Variants in PKMYT1 observed in about 807,000 individuals in gnomAD.
PKMYT1 encodes protein kinase, membrane associated tyrosine/threonine 1.
In PKMYT1, 35 loss-of-function variants were observed where a neutral mutation model predicts 49.7. That is an observed-to-expected ratio of 0.70 (90% CI 0.54 to 0.93). PKMYT1 has a LOEUF of 0.93. PKMYT1 is among the 40% of genes least tolerant of loss of function. The pLI is 0.00. For missense variants in PKMYT1, 677 were observed against 673.1 expected (o/e 1.01, Z -0.06); for synonymous variants, 331 against 287.6 (o/e 1.15, Z -1.53).
chr16:2,975,567 G>C lies in PKMYT1; in HGVS notation c.624C>G (p.Ala208=). ...TGTCCCGCAGGTAGCCCCAGACCTG[G>C]GCCTCAGGCAGGCTGGCACCCCAGG... ...CEAWGASLPE[A]QVWGYLRDTL... The change falls in exon 4 of 9, where the codon GCC becomes GCG. Residue 208 remains alanine, a synonymous_variant. Coordinates refer to ENST00000262300, the MANE Select transcript of PKMYT1 (RefSeq NM_004203.5). 1 of 1,611,820 alleles carries C rather than the reference G, an allele frequency of 6.2e-7. No homozygotes were observed. The highest frequency in any genetic ancestry group is 8.5e-7 in the Non-Finnish European group (1 of 1,179,804).
At chr16:2,978,833 G>A (rs935959519) in intron 2 of PKMYT1, among the ~76,000 whole-genome samples, 1 of 150,290 alleles carries the variant, frequency 6.7e-6, no homozygotes, top group Non-Finnish European at 1.5e-5. Context: ...TTGAGACAGG[G>A]TCTCACTCTG....
At chr16:2,973,261 G>A (rs201488234) in intron 7 of PKMYT1, 46 bp from the exon 8 acceptor site, 1 of 1,482,852 alleles carries the variant, frequency 6.7e-7, no homozygotes, top group Non-Finnish European at 9.0e-7. Flanking sequence ...GGGCTAGGGA[G>A]TGCCGGATGA....
intron 2 of PKMYT1, among the ~76,000 whole-genome samples, chr16:2,977,801 C>T (rs1050127442): frequency 7.9e-5 from 12 of 152,328 alleles, no homozygotes; most frequent in African/African-American, 2.6e-4. Context: ...CCCAGCTCCC[C>T]GTCAAGGGTT....
In PKMYT1 at chr16:2,973,069, G is replaced by T. The variant is rs2072046680; in HGVS notation, c.1389-5C>A. 1 of 1,596,436 alleles carries T rather than the reference G, an allele frequency of 6.3e-7. No individual in the cohort carries two copies. On this transcript the variant is annotated splice_polypyrimidine_tract_variant and splice_region_variant and intron_variant, in intron 8 of 8. Coordinates refer to ENST00000262300, the MANE Select transcript of PKMYT1 (RefSeq NM_004203.5). ...TCACTTAGGTCCAGGGCATCCCTGGGAGGAGAGAGTAGTGACACTCAGGAT... is the reference window on the plus strand; with the variant it reads ...TCACTTAGGTCCAGGGCATCCCTGGTAGGAGAGAGTAGTGACACTCAGGAT...
At chr16:2,976,034 C>T (rs964168927) in intron 3 of PKMYT1, 18 of 560,090 alleles carry the variant, frequency 3.2e-5, no homozygotes, top group African/African-American at 7.5e-5. Context: ...GAGCCAGGGC[C>T]GACCTGCACT....
At chr16:2,979,555 A>G in intron 2 of PKMYT1, 93 bp downstream of exon 2, 1 of 1,032,658 alleles carries the variant, frequency 9.7e-7, no homozygotes, top group Middle Eastern at 2.0e-4. Flanking sequence ...ACTGGTCACA[A>G]GCACAGCCTC....
chr16:2,979,673 A>G lies in PKMYT1; in HGVS notation c.-16T>C, dbSNP rs1205263526. 6.2e-7 allele frequency: 1 copy of G among 1,613,892 alleles called. No homozygotes were observed. ...GTTCTAGCATGACTGGCCTGGCCCA[A>G]CAGCCTCAGTGGTGGGACGGGGGAG... On this transcript the variant is annotated 5_prime_UTR_variant, in exon 2 of 9. Coordinates refer to ENST00000262300, the MANE Select transcript of PKMYT1 (RefSeq NM_004203.5).
intron 2 of PKMYT1, chr16:2,977,383 A>ATCCGGCC: frequency 1.0e-6 from 1 of 995,122 alleles, no homozygotes; most frequent in Non-Finnish European, 1.2e-6. Flanking sequence ...ATCCTAAACT[A>ATCCGGCC]CACAACCTCT....
At chr16:2,977,596 C>A in intron 2 of PKMYT1, 1 of 646,724 alleles carries the variant, frequency 1.5e-6, no homozygotes, top group Non-Finnish European at 1.9e-6. Context: ...AAAGCAAGCA[C>A]TGAAAGCCTC....
At position 2,975,745 on chromosome 16, in the gene PKMYT1, T is replaced by C. The variant is rs769823811; in HGVS notation, c.446A>G (p.Lys149Arg). The C allele has an allele frequency of 7.5e-6, 12 of 1,601,868 alleles. No homozygotes were observed. The Admixed American group carries it at 2.0e-4, about 27-fold the overall frequency. The change falls in exon 4 of 9, where the codon AAG becomes AGG. Residue 149 changes from lysine (K) to arginine (R), a missense_variant. Lys to Arg is a conservative substitution (Grantham distance 26). Transcript: ENST00000262300. Reference protein sequence around the residue: ...KRSMSPFRGPKDRARKLAEVG... With the variant: ...KRSMSPFRGPRDRARKLAEVG... The stretch of plus-strand genomic sequence containing the variant: ...CTCGGCCAACTTGCGGGCCCGGTCC[T>C]TGGGGCCCCGGAATGGTGACATGGA...
Position 2,974,126 on chromosome 16 carries a change from T to C in PKMYT1, c.1184A>G (p.His395Arg), listed in dbSNP as rs748755159. Residue 395 changes from histidine to arginine, a missense_variant, in exon 7 of 9, where the codon CAT (histidine) becomes CGT (arginine). His to Arg is a conservative substitution (Grantham distance 29). Transcript: ENST00000262300. Reference protein sequence around the residue: ...ALLALLCWLWHGLAHPASWLQ... With the variant: ...ALLALLCWLWRGLAHPASWLQ... Reference sequence around the variant, plus strand: ...CCAGCTGGCAGGGTGAGCCAGCCCATGCCAGAGCCAGCAGAGCAGGGCAAG... The same window carrying C: ...CCAGCTGGCAGGGTGAGCCAGCCCACGCCAGAGCCAGCAGAGCAGGGCAAG... The C allele has an allele frequency of 6.2e-7, 1 of 1,605,440 alleles. No individual in the cohort carries two copies. Among genetic ancestry groups the C allele is most frequent in the Non-Finnish European group, 8.5e-7 (1 of 1,176,330 alleles).
Position 2,976,790 on chromosome 16 carries a change from G to T in PKMYT1, c.252C>A (p.Phe84Leu), listed in dbSNP as rs369913939. ...GCAGAGTCTCTGAGGCCTCGCCCCG[G>T]AATGACACCCGCCGGGGCTGCAGCT... ...WHQLQPRRVSFRGEASETLQS... is the reference protein window; with the variant it reads ...WHQLQPRRVSLRGEASETLQS... Residue 84 changes from phenylalanine (F) to leucine (L), a missense_variant, in exon 3 of 9, where the codon TTC (phenylalanine) becomes TTA (leucine). Transcript: ENST00000262300. The T allele has an allele frequency of 8.9e-5, 141 of 1,577,968 alleles. No individual in the cohort carries two copies. Among genetic ancestry groups the T allele is most frequent in the Non-Finnish European group, 1.1e-4 (133 of 1,160,196 alleles).
In PKMYT1 at chr16:2,975,376, C is replaced by CG. The variant is rs2072160103; in HGVS notation, c.814dup (p.Arg272ProfsTer52). 1 of 1,613,088 alleles carries CG rather than the reference C, an allele frequency of 6.2e-7. No homozygotes were observed. The highest frequency in any genetic ancestry group is 2.2e-5 in the East Asian group (1 of 44,890). On this transcript the variant is annotated frameshift_variant, in exon 4 of 9. Transcript: ENST00000262300. LOFTEE classifies it high-confidence loss of function. Reference sequence around the variant, plus strand: ...CTGCAGCAGCTCGGGGGCCATGTAGCGGGGGTCTCCCTCCTGGACCTCACC... The same window carrying CG: ...CTGCAGCAGCTCGGGGGCCATGTAGCGGGGGGTCTCCCTCCTGGACCTCACC...
rs745420000 is a variant in PKMYT1, at chr16:2,976,741, G to A, written c.301C>T (p.Arg101Trp). The change falls in exon 3 of 9, where the codon CGG (arginine) becomes TGG (tryptophan). Residue 101 changes from arginine to tryptophan, a missense_variant. Coordinates refer to ENST00000262300, the MANE Select transcript of PKMYT1 (RefSeq NM_004203.5). ...CTCTGCTGGAAGAAGGACTCTGGCCGGCTTGGGTCATACCCAGGGCTCTGC... is the reference window on the plus strand; with the variant it reads ...CTCTGCTGGAAGAAGGACTCTGGCCAGCTTGGGTCATACCCAGGGCTCTGC... ...TLQSPGYDPS[R>W]PESFFQQSFQ... The A allele has an allele frequency of 9.3e-6, 14 of 1,509,516 alleles. No homozygotes were observed. The highest frequency in any genetic ancestry group is 4.4e-5 in the Admixed American group (2 of 45,500). 93.5% of individuals were successfully genotyped at this position (1,509,516 alleles called of 1,614,324 possible). A position where few individuals can be genotyped will look rare whatever the true frequency, so the allele number is the denominator to read the frequency against.
In PKMYT1 at chr16:2,974,675, G is replaced by A; in HGVS notation, c.873-19C>T. 3 of 1,504,684 alleles carry A rather than the reference G, an allele frequency of 2.0e-6. No homozygotes were observed. Among genetic ancestry groups the A allele is most frequent in the South Asian group, 1.2e-5 (1 of 83,080 alleles). The allele number at this position is 1,504,684 out of a possible 1,614,324, so 93.2% of individuals were successfully genotyped here. A position where few individuals can be genotyped will look rare whatever the true frequency, so the allele number is the denominator to read the frequency against. ...GCCCAGACTGGCAGGGACGGGATGGGGACAGAAAGGGGCAGGGTTGGCCCT... is the reference window on the plus strand; with the variant it reads ...GCCCAGACTGGCAGGGACGGGATGGAGACAGAAAGGGGCAGGGTTGGCCCT... On this transcript the variant is annotated intron_variant, in intron 4 of 8. Coordinates refer to ENST00000262300, the MANE Select transcript of PKMYT1 (RefSeq NM_004203.5).
chr16:2,979,105 T>C (rs1268583554), intron 2 of PKMYT1, among the ~76,000 whole-genome samples: 1 of 151,350 alleles, frequency 6.6e-6, no homozygotes, highest in Non-Finnish European at 1.5e-5. Context: ...GGAGGCAAGG[T>C]GGGTGGATCA....
intron 7 of PKMYT1, 75 bp from the exon 8 acceptor site, chr16:2,973,290 G>GCAGGATC: frequency 1.3e-6 from 2 of 1,502,496 alleles, no homozygotes; most frequent in South Asian, 2.6e-5. Flanking sequence ...CTGTCCCTGT[G>GCAGGATC]CAGGCTCCAG....
chr16:2,975,625 A>G lies in PKMYT1; in HGVS notation c.566T>C (p.Leu189Pro), dbSNP rs773458421. The change falls in exon 4 of 9, where the codon CTG becomes CCG. Residue 189 changes from leucine (L) to proline (P), a missense_variant. Leu to Pro is a moderately conservative substitution (Grantham distance 98). Coordinates refer to ENST00000262300, the MANE Select transcript of PKMYT1 (RefSeq NM_004203.5). ...GTGTTGCTGCAGGCTGGGCCCGCAC[A>G]GCTCCGTCTGCAGGTACAGGATGCC... ...EGGILYLQTE[L>P]CGPSLQQHCE... is the part of the protein sequence containing the mutation. 6.2e-7 allele frequency: 1 copy of G among 1,611,600 alleles called. No homozygotes were observed. Among genetic ancestry groups the G allele is most frequent in the Non-Finnish European group, 8.5e-7 (1 of 1,179,718 alleles).
At chr16:2,974,471 G>A in intron 5 of PKMYT1, 54 bp from the exon 6 acceptor site, 1 of 1,555,698 alleles carries the variant, frequency 6.4e-7, no homozygotes, top group East Asian at 2.3e-5. Context: ...TGCACCCTGA[G>A]CCCAGCAGTG....
Sources: gnomAD v4.1 joint callset for allele counts (sites outside exome capture counted in the v4.1 genomes callset) on GRCh38, gnomAD v4.1.1 for gene constraint, MANE v1.5 for transcripts, NCBI Gene and HGNC (gene_info 2026-07-23, HGNC 2026-07-21) for gene names.